Variants in LRMDA observed in about 807,000 individuals in gnomAD.
LRMDA encodes the protein leucine rich melanocyte differentiation associated, also known as leucine-rich melanocyte differentiation-associated protein.
A neutral mutation model predicts 29.8 loss-of-function variants in LRMDA; 18 were observed. The ratio of observed to expected loss-of-function variants is 0.60; its 90% CI spans 0.42 to 0.90. LRMDA has a LOEUF of 0.90. Among genes scored for constraint, LRMDA ranks in the 40% least tolerant of loss-of-function variants. The pLI is 0.00. For missense variants in LRMDA, 273 were observed against 273.9 expected, an observed-to-expected ratio of 1.00 and a Z score of 0.02; for synonymous variants, 125 against 109.4, an observed-to-expected ratio of 1.14 and a Z score of -0.89.
intron 2 of LRMDA, among the ~76,000 whole-genome samples, chr10:75,690,135 G>T (rs1180161491): frequency 6.6e-6 from 1 of 152,190 alleles, no homozygotes; most frequent in Non-Finnish European, 1.5e-5. Context: ...CCTAGAGATT[G>T]ATTCCAAATG....
At chr10:76,118,646 G>A (rs1286012718) in intron 5 of LRMDA, among the ~76,000 whole-genome samples, 1 of 152,074 alleles carries the variant, frequency 6.6e-6, no homozygotes, top group Non-Finnish European at 1.5e-5. Context: ...TGGAGGAGAA[G>A]ACCATTCTGT....
At chr10:76,540,945 C>T (rs1435846868) in intron 6 of LRMDA, among the ~76,000 whole-genome samples, 1 of 152,106 alleles carries the variant, frequency 6.6e-6, no homozygotes, top group Non-Finnish European at 1.5e-5. Flanking sequence ...CTGCACAAGT[C>T]CCAGTGGTAT....
chr10:76,475,081 TTATGC>T (rs1380145644), intron 6 of LRMDA, among the ~76,000 whole-genome samples: 1 of 151,644 alleles, frequency 6.6e-6, no homozygotes, highest in African/African-American at 2.4e-5. Context: ...CTTGAAAACA[TTATGC>T]TAAGTAAAAA....
At chr10:75,788,720 G>A (rs1350784648) in intron 2 of LRMDA, among the ~76,000 whole-genome samples, 1 of 152,212 alleles carries the variant, frequency 6.6e-6, no homozygotes, top group African/African-American at 2.4e-5. Flanking sequence ...GACAGGCGAG[G>A]AAATGTAATT....
At chr10:76,208,693 A>G (rs1851581892) in intron 5 of LRMDA, among the ~76,000 whole-genome samples, 1 of 152,118 alleles carries the variant, frequency 6.6e-6, no homozygotes, top group Admixed American at 6.5e-5. Flanking sequence ...GCCCAGGGTA[A>G]TCTGTTAGAG....
chr10:76,079,974 T>C (rs1166753547), intron 5 of LRMDA, among the ~76,000 whole-genome samples: 1 of 152,132 alleles, frequency 6.6e-6, no homozygotes, highest in African/African-American at 2.4e-5. Context: ...AGTTTTCTTT[T>C]GTGATTTCTG....
At chr10:75,523,055 C>T (rs1480130375) in intron 2 of LRMDA, among the ~76,000 whole-genome samples, 1 of 152,240 alleles carries the variant, frequency 6.6e-6, no homozygotes, top group Non-Finnish European at 1.5e-5. Flanking sequence ...ATCATTTCCC[C>T]TCTTTGAACT....
At chr10:75,576,795 G>A (rs1229877269) in intron 2 of LRMDA, among the ~76,000 whole-genome samples, 1 of 152,124 alleles carries the variant, frequency 6.6e-6, no homozygotes, top group East Asian at 1.9e-4. Flanking sequence ...TGCAGCAGAG[G>A]GGCCTGTTAG....
chr10:76,379,961 A>G (rs1383535462), intron 6 of LRMDA, among the ~76,000 whole-genome samples: 2 of 152,180 alleles, frequency 1.3e-5, no homozygotes, highest in African/African-American at 2.4e-5. Flanking sequence ...TAATTTTGTC[A>G]TTGATCCAAA....
chr10:75,539,779 G>A (rs765614291), intron 2 of LRMDA, among the ~76,000 whole-genome samples: 10 of 152,048 alleles, frequency 6.6e-5, no homozygotes, highest in African/African-American at 1.7e-4. Flanking sequence ...ATGTATTGGC[G>A]ATTTTCTCCC....
At chr10:75,455,914 G>A (rs1844510497) in intron 2 of LRMDA, among the ~76,000 whole-genome samples, 1 of 152,210 alleles carries the variant, frequency 6.6e-6, no homozygotes, top group Non-Finnish European at 1.5e-5. Flanking sequence ...TCCTGAGTAG[G>A]AATGGTGAGA....
intron 2 of LRMDA, among the ~76,000 whole-genome samples, chr10:75,606,698 T>C (rs931245966): frequency 6.6e-6 from 1 of 152,202 alleles, no homozygotes; most frequent in African/African-American, 2.4e-5. Context: ...CTTGAGTAAG[T>C]CGATTGGCAT....
intron 5 of LRMDA, among the ~76,000 whole-genome samples, chr10:76,189,026 A>G (rs1851199048): frequency 6.6e-6 from 1 of 152,178 alleles, no homozygotes; most frequent in Admixed American, 6.5e-5. Flanking sequence ...TTAACAGCTT[A>G]GTAGCCATTT....
intron 2 of LRMDA, among the ~76,000 whole-genome samples, chr10:75,508,272 C>G (rs776909979): frequency 2.0e-5 from 3 of 152,080 alleles, no homozygotes; most frequent in South Asian, 2.1e-4. Context: ...TTTTTCCCCC[C>G]CTCTCCCTTC....
At chr10:76,356,662 T>G (rs1841243833) in intron 6 of LRMDA, among the ~76,000 whole-genome samples, 1 of 152,216 alleles carries the variant, frequency 6.6e-6, no homozygotes, top group South Asian at 2.1e-4. Context: ...GGTCACTCAC[T>G]CCTATGTATG....
chr10:75,611,210 C>A (rs907483221), intron 2 of LRMDA, among the ~76,000 whole-genome samples: 1 of 151,988 alleles, frequency 6.6e-6, no homozygotes, highest in Non-Finnish European at 1.5e-5. Flanking sequence ...TGTAGCTGGG[C>A]GTTTGTGGAG....
intron 2 of LRMDA, among the ~76,000 whole-genome samples, chr10:75,948,394 AT>A (rs1387400537): frequency 6.6e-6 from 1 of 152,208 alleles, no homozygotes; most frequent in Non-Finnish European, 1.5e-5. Context: ...AGGACAGGGC[AT>A]ATTAGTGGTA....
rs544158527 is a variant in LRMDA at position 75,787,130 on chromosome 10, A to G, written c.132-248878A>G. ...GGGGTCTATAGACTTGAGTGTCTCTATCTTTTCTGGCTCTTCCGCATGCTT... is the reference window on the plus strand; with the variant it reads ...GGGGTCTATAGACTTGAGTGTCTCTGTCTTTTCTGGCTCTTCCGCATGCTT... On this transcript the variant is annotated intron_variant, in intron 2 of 6. Coordinates refer to ENST00000611255, the MANE Select transcript of LRMDA (RefSeq NM_001305581.2). Among the ~76,000 whole-genome samples, 8 of 152,242 alleles carry G rather than the reference A, an allele frequency of 5.3e-5. 1 individual carries two copies. The South Asian group carries it at 1.7e-3, about 32-fold the overall frequency.
intron 2 of LRMDA, among the ~76,000 whole-genome samples, chr10:75,836,024 G>A (rs1344033418): frequency 1.3e-5 from 2 of 152,126 alleles, no homozygotes; most frequent in Non-Finnish European, 2.9e-5. Flanking sequence ...GAAGGCACTT[G>A]CACTGAATAA....
Sources: gnomAD v4.1 joint callset for allele counts (sites outside exome capture counted in the v4.1 genomes callset) on GRCh38, gnomAD v4.1.1 for gene constraint, MANE v1.5 for transcripts, NCBI Gene and HGNC (gene_info 2026-07-23, HGNC 2026-07-21) for gene names.